SGK2: variants seen among roughly 807,000 people sequenced by gnomAD.
SGK2 encodes the protein serine/threonine-protein kinase Sgk2.
Under a neutral mutation model 47.5 loss-of-function variants are expected in SGK2, and 36 were observed. That is an observed-to-expected ratio of 0.76 (90% CI 0.58 to 1.00). SGK2 has a LOEUF of 1.00. SGK2 is among the 50% of genes least tolerant of loss of function. The pLI is 0.00. For synonymous variants in SGK2, 157 were observed against 181.9 expected (o/e 0.86, Z 1.10); for missense variants, 404 against 467.4 (o/e 0.86, Z 1.25).
In SGK2 at chr20:43,582,832, C is replaced by T. The variant is rs12480421; in HGVS notation, c.940-2020C>T. Among the ~76,000 whole-genome samples the T allele has an allele frequency of 0.014, 2,058 of 151,946 alleles. 153 individuals carry two copies. In the East Asian group the frequency reaches 0.23, roughly 17 times the overall value. The stretch of plus-strand genomic sequence containing the variant: ...CCTCCCGAGTAGCTGGGACTACAGG[C>T]GCTCAGCACCATGCTTGGCTAATTT... On this transcript the variant is annotated intron_variant, in intron 12 of 12. Coordinates refer to ENST00000373100, the MANE Select transcript of SGK2 (RefSeq NM_170693.3).
At chr20:43,577,497 A>G (rs1156937855) in intron 11 of SGK2, among the ~76,000 whole-genome samples, 6 of 151,212 alleles carry the variant, frequency 4.0e-5, no homozygotes, top group Non-Finnish European at 8.8e-5. Context: ...GACTACAGGC[A>G]CCCGCCACCA....
chr20:43,567,856 G>GTAC, intron 4 of SGK2, 60 bp from the exon 5 acceptor site: 1 of 1,572,464 alleles, frequency 6.4e-7, no homozygotes, highest in Non-Finnish European at 8.8e-7. Context: ...GGGAGGCCTT[G>GTAC]TACTGCTGTT....
chr20:43,580,535 G>A (rs62224808), intron 12 of SGK2, among the ~76,000 whole-genome samples: 4,089 of 151,992 alleles, frequency 0.027, 70 homozygotes, highest in Non-Finnish European at 0.037. Flanking sequence ...TAAGACCAGT[G>A]TAGCCAACAT....
At chr20:43,570,109 C>A (rs1260026702) in intron 6 of SGK2, among the ~76,000 whole-genome samples, 1 of 152,164 alleles carries the variant, frequency 6.6e-6, no homozygotes, top group East Asian at 1.9e-4. Flanking sequence ...TCCATGCCAG[C>A]AAAATAGTCC....
At chr20:43,579,654 C>T (rs35405919) in intron 11 of SGK2, among the ~76,000 whole-genome samples, 204 of 152,256 alleles carry the variant, frequency 1.3e-3, no homozygotes, top group Non-Finnish European at 2.5e-3. Context: ...CTGGTACTCC[C>T]CCACCCCCAG....
chr20:43,571,211 T>C (rs1269678874), intron 8 of SGK2, 151 bp downstream of exon 8: 1 of 1,251,052 alleles, frequency 8.0e-7, no homozygotes, highest in Non-Finnish European at 1.1e-6. Flanking sequence ...TATGTGTGTG[T>C]GCCCATGCAC....
At position 43,567,932 on chromosome 20, in the gene SGK2, G is replaced by T. The variant is rs147953497; in HGVS notation, c.161G>T (p.Arg54Leu). Residue 54 changes from arginine (R) to leucine (L), a missense_variant, in exon 5 of 13, where the codon CGC becomes CTC. Coordinates refer to ENST00000373100, the MANE Select transcript of SGK2 (RefSeq NM_170693.3). Reference protein sequence around the residue: ...GNYGKVLLAKRKSDGAFYAVK... With the variant: ...GNYGKVLLAKLKSDGAFYAVK... ...TCTTCTCAGGTCCTACTGGCCAAGC[G>T]CAAGTCTGATGGGGCGTTCTATGCA... The T allele has an allele frequency of 6.2e-7, 1 of 1,614,022 alleles. No individual in the cohort carries two copies. Among genetic ancestry groups the T allele is most frequent in the East Asian group, 2.2e-5 (1 of 44,904 alleles).
At chr20:43,563,729 T>C (rs1979522318) in intron 1 of SGK2, among the ~76,000 whole-genome samples, 1 of 152,248 alleles carries the variant, frequency 6.6e-6, no homozygotes, top group Non-Finnish European at 1.5e-5. Context: ...TAAATAGTGC[T>C]GCTGAATGAA....
chr20:43,566,929 G>A (rs1025445960), intron 2 of SGK2, 139 bp from the exon 3 acceptor site: 11 of 640,408 alleles, frequency 1.7e-5, no homozygotes, highest in Middle Eastern at 3.7e-4. Flanking sequence ...GCGGGCAGGC[G>A]GGCAGGTGAA....
At chr20:43,580,495 A>G (rs1467620217) in intron 12 of SGK2, among the ~76,000 whole-genome samples, 1 of 152,178 alleles carries the variant, frequency 6.6e-6, no homozygotes, top group Non-Finnish European at 1.5e-5. Flanking sequence ...TGGGAGGCTG[A>G]GGCGGGTAGA....
chr20:43,584,787 G>A, intron 12 of SGK2, 65 bp from the exon 13 acceptor site: 1 of 1,367,692 alleles, frequency 7.3e-7, no homozygotes, highest in Non-Finnish European at 1.0e-6. Flanking sequence ...CCTCTCTGAG[G>A]ATCTGGGCTC....
chr20:43,570,953 C>T (rs1047880302), intron 7 of SGK2, 71 bp from the exon 8 acceptor site: 61 of 1,608,774 alleles, frequency 3.8e-5, no homozygotes, highest in Non-Finnish European at 4.8e-5. Context: ...GACCACCCCC[C>T]GCCCAGGTCT....
rs770837234 is a variant in SGK2, at chr20:43,580,004, C to T, written c.882C>T (p.Pro294=). The T allele has an allele frequency of 1.5e-5, 25 of 1,613,342 alleles. No homozygotes were observed. Among genetic ancestry groups the T allele is most frequent in the Non-Finnish European group, 1.9e-5 (22 of 1,179,540 alleles). The change falls in exon 12 of 13, where the codon CCC becomes CCT. Residue 294 remains proline, a synonymous_variant. Coordinates refer to ENST00000373100, the MANE Select transcript of SGK2 (RefSeq NM_170693.3). ...TTAAGAACCATGTATTCTTCAGCCC[C>T]ATAAACTGGGATGACCTGTACCACA... The part of the protein sequence containing the change: ...LEIKNHVFFS[P]INWDDLYHKR...
chr20:43,584,842 T>G lies in SGK2; in HGVS notation c.940-10T>G. 1 of 1,612,090 alleles carries G rather than the reference T, an allele frequency of 6.2e-7. No individual in the cohort carries two copies. Among genetic ancestry groups the G allele is most frequent in the African/African-American group, 1.3e-5 (1 of 74,978 alleles). ...GGTGTTTTCTTCTCATCATTGGCTT[T>G]TATTGACAGACAGGACCTGCTGACT... On this transcript the variant is annotated splice_polypyrimidine_tract_variant and intron_variant, in intron 12 of 12. Coordinates refer to ENST00000373100, the MANE Select transcript of SGK2 (RefSeq NM_170693.3).
intron 9 of SGK2, among the ~76,000 whole-genome samples, chr20:43,573,805 T>A (rs1980302059): frequency 6.6e-6 from 1 of 152,164 alleles, no homozygotes; most frequent in African/African-American, 2.4e-5. Context: ...GTTTGCTGGA[T>A]AAAGCCAGCG....
chr20:43,583,612 G>C (rs1980930780), intron 12 of SGK2: 1 of 985,402 alleles, frequency 1.0e-6, no homozygotes, highest in Non-Finnish European at 1.2e-6. Flanking sequence ...CTCCTCCACA[G>C]AGAGACTGTA....
intron 11 of SGK2, among the ~76,000 whole-genome samples, chr20:43,576,656 G>T (rs1012682757): frequency 6.6e-6 from 1 of 152,212 alleles, no homozygotes; most frequent in South Asian, 2.1e-4. Flanking sequence ...AGTTTGGGGT[G>T]GGGGCCGGGT....
intron 12 of SGK2, among the ~76,000 whole-genome samples, chr20:43,581,686 G>A (rs1601002207): frequency 6.6e-6 from 1 of 152,034 alleles, no homozygotes; most frequent in Non-Finnish European, 1.5e-5. Flanking sequence ...GCGCCACCAC[G>A]CCTGGCTAAT....
intron 9 of SGK2, among the ~76,000 whole-genome samples, chr20:43,573,253 C>A (rs1268131155): frequency 6.6e-6 from 1 of 152,194 alleles, no homozygotes; most frequent in African/African-American, 2.4e-5. Context: ...CTTTGGTAGG[C>A]CGAGGCAGGC....
Sources: allele counts gnomAD v4.1 joint callset (sites outside exome capture counted in the v4.1 genomes callset), GRCh38; gene constraint gnomAD v4.1.1; transcripts MANE v1.5; gene names NCBI Gene and HGNC (gene_info 2026-07-23, HGNC 2026-07-21).